Variants in PISD observed in about 807,000 individuals in gnomAD.
PISD encodes the protein phosphatidylserine decarboxylase proenzyme, mitochondrial.
A neutral mutation model predicts 43.5 loss-of-function variants in PISD; 31 were observed. The ratio of observed to expected loss-of-function variants is 0.71; its 90% CI spans 0.54 to 0.96. PISD has a LOEUF of 0.96. PISD is among the 40% of genes least tolerant of loss of function. The pLI is 0.00. For synonymous variants in PISD, 259 were observed against 228.7 expected, an observed-to-expected ratio of 1.13 and a Z score of -1.20; for missense variants, 523 against 548.4, an observed-to-expected ratio of 0.95 and a Z score of 0.46.
At position 31,619,389 on chromosome 22, in the gene PISD, C is replaced by A. The variant is rs1419391964; in HGVS notation, c.*223G>T. 4.8e-6 allele frequency: 3 copies of A among 630,644 alleles called. No individual in the cohort carries two copies. The highest frequency in any genetic ancestry group is 1.8e-5 in the African/African-American group (1 of 55,404). The allele number at this position is 630,644 out of a possible 1,614,324, so 39.1% of individuals were successfully genotyped here. On this transcript the variant is annotated 3_prime_UTR_variant, in exon 8 of 8. Transcript: ENST00000439502. The stretch of plus-strand genomic sequence containing the variant: ...CCAGCCTGCACTTTTTATTTGTAGG[C>A]AGAAGGAACGGGATAGGTTGAGGGG...
chr22:31,645,882 C>T (rs1283738471), intron 3 of PISD, among the ~76,000 whole-genome samples: 1 of 144,172 alleles, frequency 6.9e-6, no homozygotes, highest in African/African-American at 2.5e-5. Flanking sequence ...AAAAGAAAAA[C>T]AAAACAAATA....
At chr22:31,628,177 G>A (rs2073011718) in intron 3 of PISD, 1 of 985,562 alleles carries the variant, frequency 1.0e-6, no homozygotes, top group Non-Finnish European at 1.2e-6. Flanking sequence ...TTTGCCCCAG[G>A]ACACAGGCTG....
chr22:31,629,326 G>T, intron 3 of PISD: 1 of 566,168 alleles, frequency 1.8e-6, no homozygotes, highest in Non-Finnish European at 2.2e-6. Context: ...GTGTATAGGT[G>T]CGAGGATGTG....
rs778296670 is a variant in PISD, at chr22:31,621,683, G to A, written c.524C>T (p.Pro175Leu). Residue 175 changes from proline to leucine, a missense_variant, in exon 4 of 8, where the codon CCG (proline) becomes CTG (leucine). Transcript: ENST00000439502. Reference protein sequence around the residue: ...LSEFFRRKLKPQARPVCGLHS... With the variant: ...LSEFFRRKLKLQARPVCGLHS... Reference sequence around the variant, plus strand: ...CAGGCCACAGACAGGCCGGGCCTGCGGCTTCAGCTTGCGCCGGAAGAACTC... The same window carrying A: ...CAGGCCACAGACAGGCCGGGCCTGCAGCTTCAGCTTGCGCCGGAAGAACTC... 1.4e-5 allele frequency: 23 copies of A among 1,613,678 alleles called. No homozygotes were observed. The highest frequency in any genetic ancestry group is 4.0e-5 in the African/African-American group (3 of 74,944).
intron 3 of PISD, chr22:31,627,935 C>T (rs920004039): frequency 1.3e-6 from 1 of 753,960 alleles, no homozygotes; most frequent in South Asian, 6.0e-5. Flanking sequence ...GGTCAGATGC[C>T]CATCAGGGAA....
rs781254076 is a variant in PISD at position 31,619,567 on chromosome 22, C to G, written c.*45G>C. 1 of 1,528,034 alleles carries G rather than the reference C, an allele frequency of 6.5e-7. No homozygotes were observed. Among genetic ancestry groups the G allele is most frequent in the South Asian group, 1.1e-5 (1 of 88,450 alleles). The allele number at this position is 1,528,034 out of a possible 1,614,324, so 94.7% of individuals were successfully genotyped here. On this transcript the variant is annotated 3_prime_UTR_variant, in exon 8 of 8. Transcript: ENST00000439502. Reference sequence around the variant, plus strand: ...CCTCCCTCTTGAAAAGACCCTCACTCTGTTTGGAAAAGATCCCTTAGCAGC... The same window carrying G: ...CCTCCCTCTTGAAAAGACCCTCACTGTGTTTGGAAAAGATCCCTTAGCAGC...
At chr22:31,621,925 C>T in intron 3 of PISD, 40 bp from the exon 4 acceptor site, 2 of 1,471,598 alleles carry the variant, frequency 1.4e-6, no homozygotes, top group South Asian at 2.3e-5. Flanking sequence ...GACCACACTG[C>T]CCCAGCTCCA....
intron 3 of PISD, among the ~76,000 whole-genome samples, chr22:31,625,263 C>T (rs1457480491): frequency 1.3e-5 from 2 of 152,200 alleles, no homozygotes; most frequent in Non-Finnish European, 2.9e-5. Flanking sequence ...TCTCTCCCAT[C>T]GCACCCCGGT....
intron 1 of PISD, among the ~76,000 whole-genome samples, chr22:31,653,059 AC>A (rs1233992687): frequency 9.4e-5 from 14 of 148,314 alleles, no homozygotes; most frequent in African/African-American, 3.0e-4. Context: ...AAAAAAAAAA[AC>A]CACACCCACC....
chr22:31,621,631 G>A lies in PISD; in HGVS notation c.558+18C>T. 8.1e-6 allele frequency: 13 copies of A among 1,608,726 alleles called. No homozygotes were observed. Among genetic ancestry groups the A allele is most frequent in the Non-Finnish European group, 1.0e-5 (12 of 1,176,152 alleles). On this transcript the variant is annotated intron_variant, in intron 4 of 7. Transcript: ENST00000439502. ...GAAAAAGTCCTGTTTCCTGCAGGAG[G>A]AAAGGGTCAGGCCTCACCACGCTGT...
At chr22:31,629,349 G>A in intron 3 of PISD, 3 of 290,934 alleles carry the variant, frequency 1.0e-5, no homozygotes, top group Non-Finnish European at 1.5e-5. Flanking sequence ...GGGTGTGTAG[G>A]TGTGAGGGTG....
Position 31,621,841 on chromosome 22 carries a change from GGCCCGT to G in PISD, c.360_365del (p.Arg121_Ala122del). 6.2e-7 allele frequency: 1 copy of G among 1,612,266 alleles called. No homozygotes were observed. Among genetic ancestry groups the G allele is most frequent in the Non-Finnish European group, 8.5e-7 (1 of 1,180,040 alleles). ...GCTCCACCTGATTGAGGCGACCCCA[GGCCCGT>G]GACAGCAAGCGCGTTGGCACTGACT... On this transcript the variant is annotated inframe_deletion, in exon 4 of 8. Coordinates refer to ENST00000439502, the MANE Select transcript of PISD (RefSeq NM_001326411.2).
chr22:31,624,751 ACACAC>A (rs2147648246), intron 3 of PISD, among the ~76,000 whole-genome samples: 1 of 143,762 alleles, frequency 7.0e-6, no homozygotes, highest in Admixed American at 6.8e-5. Context: ...ACACACACAC[ACACAC>A]GAGACCCAAG....
At chr22:31,632,006 A>T (rs2073227561) in intron 3 of PISD, among the ~76,000 whole-genome samples, 1 of 152,226 alleles carries the variant, frequency 6.6e-6, no homozygotes, top group Admixed American at 6.5e-5. Flanking sequence ...CAGGAGTTTG[A>T]GACCAGCCTG....
At position 31,619,498 on chromosome 22, in the gene PISD, C is replaced by G; in HGVS notation, c.*114G>C. On this transcript the variant is annotated 3_prime_UTR_variant, in exon 8 of 8. Coordinates refer to ENST00000439502, the MANE Select transcript of PISD (RefSeq NM_001326411.2). ...CATTCAAGTCCTACCTGGTCAGACT[C>G]CCAACCACGCTGAGGCAGGCCCTTA... 1.2e-6 allele frequency: 1 copy of G among 805,180 alleles called. No individual in the cohort carries two copies. Among genetic ancestry groups the G allele is most frequent in the African/African-American group, 1.7e-5 (1 of 59,340 alleles). 49.9% of individuals were successfully genotyped at this position (805,180 alleles called of 1,614,324 possible).
chr22:31,636,383 G>A (rs569261649), intron 3 of PISD, among the ~76,000 whole-genome samples: 37 of 152,306 alleles, frequency 2.4e-4, no homozygotes, highest in African/African-American at 8.4e-4. Flanking sequence ...TTCCTGCACT[G>A]CTGCTCCCCA....
intron 3 of PISD, among the ~76,000 whole-genome samples, chr22:31,638,015 C>G (rs1349962508): frequency 1.3e-5 from 2 of 152,252 alleles, no homozygotes; most frequent in East Asian, 3.8e-4. Context: ...GTGGGAGCCG[C>G]AGGCTGAGCA....
chr22:31,656,992 G>T (rs1210380955), intron 1 of PISD, among the ~76,000 whole-genome samples: 10 of 152,158 alleles, frequency 6.6e-5, no homozygotes, highest in Admixed American at 6.6e-4. Context: ...TTCTGGGTAT[G>T]TAGTAGGCAT....
chr22:31,653,425 TA>T (rs2147802439), intron 1 of PISD, among the ~76,000 whole-genome samples: 1 of 152,272 alleles, frequency 6.6e-6, no homozygotes, highest in Non-Finnish European at 1.5e-5. Flanking sequence ...GCACAATGAT[TA>T]ACAAGGCTTT....
Sources: gnomAD v4.1 joint callset for allele counts (sites outside exome capture counted in the v4.1 genomes callset) on GRCh38, gnomAD v4.1.1 for gene constraint, MANE v1.5 for transcripts, NCBI Gene and HGNC (gene_info 2026-07-23, HGNC 2026-07-21) for gene names.